The following DENND3 variants were observed in gnomAD, a reference collection of about 807,000 sequenced individuals.
DENND3 encodes the protein DENN domain containing 3, also known as DENN domain-containing protein 3.
Under a neutral mutation model 135.1 loss-of-function variants are expected in DENND3, and 88 were observed. The observed-to-expected ratio is 0.65, with a 90% CI of 0.55 to 0.78. The LOEUF (loss-of-function observed/expected upper bound fraction) is 0.78. Ranked by LOEUF, DENND3 falls within the 30% of genes least tolerant of loss-of-function variation. DENND3 has a pLI of 0.00. For synonymous variants in DENND3, 693 were observed against 712.3 expected (o/e 0.97, Z 0.43); for missense variants, 1,392 against 1,688.4 (o/e 0.82, Z 3.08).
Position 141,151,704 on chromosome 8 carries a change from T to G in DENND3, c.941T>G (p.Met314Arg). The change falls in exon 7 of 23, where the codon ATG (methionine) becomes AGG (arginine). Residue 314 changes from methionine (M) to arginine (R), a missense_variant. Coordinates refer to ENST00000519811, the MANE Select transcript of DENND3 (RefSeq NM_001352890.3). ...ALLTLVTECF[M>R]AYLYPLQWQH... The stretch of plus-strand genomic sequence containing the variant: ...CTGACGCTGGTCACTGAGTGCTTCA[T>G]GGCCTACCTGTATCCGCTGCAGTGG... 5.0e-6 allele frequency: 8 copies of G among 1,614,196 alleles called. No homozygotes were observed. Among genetic ancestry groups the G allele is most frequent in the Non-Finnish European group, 6.8e-6 (8 of 1,180,034 alleles).
intron 8 of DENND3, chr8:141,158,398 C>G: frequency 1.8e-6 from 2 of 1,132,814 alleles, no homozygotes; most frequent in Non-Finnish European, 2.2e-6. Context: ...AGGATTCTGC[C>G]TGCATCCTCA....
chr8:141,129,600 G>A (rs913671183), intron 1 of DENND3: 4 of 152,176 alleles, frequency 2.6e-5, no homozygotes, highest in Non-Finnish European at 5.9e-5. Context: ...TTTCCTCCTG[G>A]TCCGCCTGTC....
intron 9 of DENND3, among the ~76,000 whole-genome samples, chr8:141,162,070 G>A (rs1820206821): frequency 6.6e-6 from 1 of 152,132 alleles, no homozygotes; most frequent in African/African-American, 2.4e-5. Flanking sequence ...CACCCAAAGT[G>A]CTGGGATTAC....
Position 141,194,375 on chromosome 8 carries a change from A to C in DENND3, c.*142A>C. The C allele has an allele frequency of 2.0e-6, 2 of 1,011,496 alleles. No individual in the cohort carries two copies. The highest frequency in any genetic ancestry group is 2.9e-6 in the Non-Finnish European group (2 of 697,882). The allele number at this position is 1,011,496 out of a possible 1,614,324, so 62.7% of individuals were successfully genotyped here. On this transcript the variant is annotated 3_prime_UTR_variant, in exon 23 of 23. Transcript: ENST00000519811. ...CATGGAGCCCACTTACCGTGTGGCC[A>C]GCCGCGAGACCCATGGCCACGCACC...
chr8:141,170,880 G>A (rs896345073), intron 13 of DENND3, among the ~76,000 whole-genome samples: 1 of 152,244 alleles, frequency 6.6e-6, no homozygotes, highest in Non-Finnish European at 1.5e-5. Flanking sequence ...GAGCCAGCCC[G>A]TGGGCATCAG....
chr8:141,171,257 T>G (rs534468811), intron 13 of DENND3, among the ~76,000 whole-genome samples: 3 of 152,324 alleles, frequency 2.0e-5, no homozygotes, highest in African/African-American at 7.2e-5. Flanking sequence ...TTGGACAAAT[T>G]TATGTGATAT....
intron 18 of DENND3, among the ~76,000 whole-genome samples, chr8:141,186,267 A>G (rs961781909): frequency 1.3e-5 from 2 of 152,126 alleles, no homozygotes; most frequent in Admixed American, 1.3e-4. Flanking sequence ...CACAGTGGTT[A>G]CTGGGTCTCT....
rs1203120493 is a variant in DENND3, at chr8:141,145,822, TATATATATATATATATATATATATATATG to T, written c.735+1564_735+1592del. 6.0e-4 allele frequency among the ~76,000 whole-genome samples: 20 copies of T among 33,522 alleles called. No individual in the cohort carries two copies. The East Asian group carries it at 0.017, about 29-fold the overall frequency. The allele number at this position is 33,522 out of a possible 152,430, so 22.0% of individuals were successfully genotyped here. A position where few individuals can be genotyped will look rare whatever the true frequency, so the allele number is the denominator to read the frequency against. ...TGAATATTATATATATATATATATA[TATATATATATATATATATATATATATATG>T]TATTTTTTTTTTTTTGAGGCGGAGT... On this transcript the variant is annotated intron_variant, in intron 5 of 22. Coordinates refer to ENST00000519811, the MANE Select transcript of DENND3 (RefSeq NM_001352890.3).
In DENND3 at chr8:141,155,000, C is replaced by T. The variant is rs1819271565; in HGVS notation, c.1075-849C>T. On this transcript the variant is annotated intron_variant, in intron 7 of 22. Coordinates refer to ENST00000519811, the MANE Select transcript of DENND3 (RefSeq NM_001352890.3). The surrounding 1 kb of genome is among the most constrained non-coding windows in gnomAD (Gnocchi z 4.4). ...GATGGGTGAGCCTCACAGACATCAA[C>T]GTGGAGTGAAATAGGCCAGTCCCAA... Among the ~76,000 whole-genome samples, 2 of 152,168 alleles carry T rather than the reference C, an allele frequency of 1.3e-5. No individual in the cohort carries two copies. The highest frequency in any genetic ancestry group is 1.3e-4 in the Admixed American group (2 of 15,282).
intron 19 of DENND3, among the ~76,000 whole-genome samples, chr8:141,190,075 G>A (rs1322160759): frequency 6.6e-6 from 1 of 150,882 alleles, no homozygotes; most frequent in Non-Finnish European, 1.5e-5. Context: ...CCTGGCTGTG[G>A]CTGCATTCAT....
intron 1 of DENND3, among the ~76,000 whole-genome samples, chr8:141,133,483 G>T (rs1027345357): frequency 6.6e-6 from 1 of 152,196 alleles, no homozygotes; most frequent in Non-Finnish European, 1.5e-5. Flanking sequence ...CTCGTTGGGA[G>T]AGTGGACACA....
chr8:141,172,241 C>A (rs1479299762), intron 13 of DENND3, among the ~76,000 whole-genome samples: 1 of 149,498 alleles, frequency 6.7e-6, no homozygotes, highest in Non-Finnish European at 1.5e-5. Context: ...TGCACAGTGT[C>A]TGTGGGTGTG....
intron 10 of DENND3, among the ~76,000 whole-genome samples, chr8:141,164,096 G>A (rs530046343): frequency 6.6e-6 from 1 of 152,148 alleles, no homozygotes; most frequent in Admixed American, 6.5e-5. Context: ...GTGCATCCCC[G>A]TAGACGGCTG....
chr8:141,189,034 G>C lies in DENND3; in HGVS notation c.3133G>C (p.Asp1045His). 1 of 1,614,232 alleles carries C rather than the reference G, an allele frequency of 6.2e-7. No individual in the cohort carries two copies. The highest frequency in any genetic ancestry group is 8.5e-7 in the Non-Finnish European group (1 of 1,180,042). Residue 1045 changes from aspartate (D) to histidine (H), a missense_variant, in exon 19 of 23, where the codon GAC becomes CAC. Transcript: ENST00000519811. The stretch of plus-strand genomic sequence containing the variant: ...GAACCAGGTGTGGGTTGGCTCGGAA[G>C]ACTCCGTCATCTACATCATCAACGT... ...DQNQVWVGSE[D>H]SVIYIINVHS...
In DENND3 at chr8:141,180,821, C is replaced by T. The variant is rs776322761; in HGVS notation, c.2911C>T (p.Pro971Ser). Reference protein sequence around the residue: ...KINPSAGEAFPQAVDVLLYTP... With the variant: ...KINPSAGEAFSQAVDVLLYTP... ...CAACCCCTCGGCGGGGGAGGCGTTC[C>T]CACAAGCGGTGGACGTGCTGCTCTA... The change falls in exon 17 of 23, where the codon CCA (proline) becomes TCA (serine). Residue 971 changes from proline to serine, a missense_variant. By Grantham distance (74) the Pro-to-Ser change is moderately conservative (BLOSUM62 -1). Transcript: ENST00000519811. 6.2e-7 allele frequency: 1 copy of T among 1,613,044 alleles called. No individual in the cohort carries two copies.
chr8:141,190,296 G>A lies in DENND3; in HGVS notation c.3258G>A (p.Ser1086=), dbSNP rs558714870. 43 of 1,602,924 alleles carry A rather than the reference G, an allele frequency of 2.7e-5. 2 individuals carry two copies. In the South Asian group the frequency reaches 3.3e-4, roughly 12 times the overall value. Residue 1086 remains serine, a synonymous_variant, in exon 20 of 23, where the codon TCG becomes TCA. Coordinates refer to ENST00000519811, the MANE Select transcript of DENND3 (RefSeq NM_001352890.3). ...DGQEAPSNVY[S]CSMDGMVLVW... The stretch of plus-strand genomic sequence containing the variant: ...TTTGTGCCCCCAGCAACGTGTACTC[G>A]TGCAGCATGGACGGCATGGTGCTGG...
In DENND3 at chr8:141,162,144, C is replaced by T. The variant is rs370991207; in HGVS notation, c.1353-1189C>T. ...TTTTGATGTATTTGTTTGCATAAAG[C>T]GAATAATTTATTAGGAAAAAATGGG... On this transcript the variant is annotated intron_variant, in intron 9 of 22. Transcript: ENST00000519811. Among the ~76,000 whole-genome samples, 14 of 152,066 alleles carry T rather than the reference C, an allele frequency of 9.2e-5. No homozygotes were observed. In the East Asian group the frequency reaches 2.7e-3, roughly 29 times the overall value.
chr8:141,187,772 T>C (rs1022214111), intron 18 of DENND3, among the ~76,000 whole-genome samples: 1 of 152,172 alleles, frequency 6.6e-6, no homozygotes, highest in Non-Finnish European at 1.5e-5. Flanking sequence ...AGTAATAGGA[T>C]CCATGATACA....
rs545608055 is a variant in DENND3 at position 141,160,873 on chromosome 8, G to A, written c.1352+86G>A. ...GGGGATCGTGCACCCCGCCCCAGAG[G>A]GCAGGCCATTAGTACCATTTGCCTG... On this transcript the variant is annotated intron_variant, in intron 9 of 22. Transcript: ENST00000519811. 2.5e-5 allele frequency: 37 copies of A among 1,509,868 alleles called. No homozygotes were observed. In the East Asian group the frequency reaches 7.3e-4, roughly 30 times the overall value. The allele number at this position is 1,509,868 out of a possible 1,614,324, so 93.5% of individuals were successfully genotyped here. A position where few individuals can be genotyped will look rare whatever the true frequency, so the allele number is the denominator to read the frequency against.
Sources: gnomAD v4.1 joint callset for allele counts (sites outside exome capture counted in the v4.1 genomes callset) on GRCh38, gnomAD v4.1.1 for gene constraint, Gnocchi (gnomAD v3.1) non-coding constraint, MANE v1.5 for transcripts, NCBI Gene and HGNC (gene_info 2026-07-23, HGNC 2026-07-21) for gene names.